ARHGAP39: variants seen among roughly 807,000 people sequenced by gnomAD.
ARHGAP39 encodes the protein rho GTPase-activating protein 39.
A neutral mutation model predicts 106.9 loss-of-function variants in ARHGAP39; 44 were observed. The observed-to-expected ratio is 0.41, with a 90% CI of 0.32 to 0.53. The LOEUF is 0.53. ARHGAP39 is among the 20% of genes least tolerant of loss of function. The pLI, the probability that ARHGAP39 is intolerant of heterozygous loss-of-function variation, is 0.21. For missense variants in ARHGAP39, 1,496 were observed against 1,577.3 expected, an observed-to-expected ratio of 0.95 and a Z score of 0.87; for synonymous variants, 768 against 693.2, an observed-to-expected ratio of 1.11 and a Z score of -1.69.
chr8:144,677,333 C>A (rs1822268620), intron 1 of ARHGAP39, among the ~76,000 whole-genome samples: 1 of 152,064 alleles, frequency 6.6e-6, no homozygotes. Flanking sequence ...TTAATTTGAC[C>A]TACTATATTA....
chr8:144,673,185 CT>C (rs1822143985), intron 1 of ARHGAP39, among the ~76,000 whole-genome samples: 1 of 150,262 alleles, frequency 6.7e-6, no homozygotes, highest in African/African-American at 2.5e-5. Context: ...CCACTGCCCC[CT>C]AGCCTGGGTG....
intron 3 of ARHGAP39, among the ~76,000 whole-genome samples, chr8:144,576,071 G>A (rs1227932180): frequency 1.3e-5 from 2 of 152,066 alleles, no homozygotes; most frequent in Admixed American, 6.6e-5. Flanking sequence ...GGTGGCTCAC[G>A]CCTGTAATCC....
the ARHGAP39 span, among the ~76,000 whole-genome samples, chr8:144,692,748 CTTTTTTTTTT>C: frequency 1.4e-5 from 1 of 69,050 alleles, no homozygotes; most frequent in East Asian, 4.4e-4. Context: ...TTGTAAAATT[CTTTTTTTTTT>C]TTTTTTTTTT....
intron 1 of ARHGAP39, among the ~76,000 whole-genome samples, chr8:144,610,885 T>G (rs1469170988): frequency 6.6e-6 from 1 of 152,054 alleles, no homozygotes; most frequent in African/African-American, 2.4e-5. Flanking sequence ...GGTGGGATCT[T>G]GGCTTGCTGC....
intron 3 of ARHGAP39, among the ~76,000 whole-genome samples, chr8:144,572,467 A>C (rs58320988): frequency 0.023 from 3,574 of 152,324 alleles, 135 homozygotes; most frequent in African/African-American, 0.082. Context: ...ACCTTATACA[A>C]AAATTAATTC....
intron 1 of ARHGAP39, among the ~76,000 whole-genome samples, chr8:144,629,939 G>C (rs893889476): frequency 1.3e-5 from 2 of 152,102 alleles, no homozygotes; most frequent in Admixed American, 6.5e-5. Flanking sequence ...ACAACGCAGG[G>C]GCAGGGGACA....
At chr8:144,613,597 A>C (rs1475685948) in intron 1 of ARHGAP39, among the ~76,000 whole-genome samples, 1 of 149,606 alleles carries the variant, frequency 6.7e-6, no homozygotes. Flanking sequence ...TTGTTCCTTC[A>C]TACACAAAAG....
upstream of ARHGAP39, among the ~76,000 whole-genome samples, chr8:144,687,954 C>G (rs1257545136): frequency 7.4e-6 from 1 of 135,546 alleles, no homozygotes; most frequent in Non-Finnish European, 1.7e-5. Flanking sequence ...CACACATTTA[C>G]AGTGAGCACT....
chr8:144,571,437 C>T (rs573365689), intron 3 of ARHGAP39, among the ~76,000 whole-genome samples: 11 of 152,266 alleles, frequency 7.2e-5, no homozygotes, highest in African/African-American at 2.4e-4. Flanking sequence ...AATTCGACAG[C>T]GCTTCATGAT....
chr8:144,602,363 G>A (rs1820039574), intron 2 of ARHGAP39, among the ~76,000 whole-genome samples: 1 of 136,474 alleles, frequency 7.3e-6, no homozygotes, highest in African/African-American at 2.7e-5. Flanking sequence ...GTGCATGGAG[G>A]TGTGTGTGCG....
At chr8:144,635,783 GCTGAACACTCACCCAGTAGGAT>G (rs1821158892) in intron 1 of ARHGAP39, among the ~76,000 whole-genome samples, 1 of 150,232 alleles carries the variant, frequency 6.7e-6, no homozygotes, top group African/African-American at 2.5e-5. Flanking sequence ...TTACAGGGTG[GCTGAACACTCACCCAGTAGGAT>G]CTGAGGCTAC....
intron 2 of ARHGAP39, among the ~76,000 whole-genome samples, chr8:144,594,083 C>T (rs1425176527): frequency 3.8e-5 from 5 of 131,354 alleles, no homozygotes; most frequent in Non-Finnish European, 7.8e-5. Flanking sequence ...AGTGAGACTC[C>T]GTCTCAAAAA....
chr8:144,680,508 A>T (rs1822381157), intron 1 of ARHGAP39, among the ~76,000 whole-genome samples: 1 of 152,176 alleles, frequency 6.6e-6, no homozygotes, highest in Non-Finnish European at 1.5e-5. Context: ...GCCTTTAATC[A>T]CAGAAGGACT....
the ARHGAP39 span, among the ~76,000 whole-genome samples, chr8:144,692,112 G>A: frequency 6.6e-6 from 1 of 152,044 alleles, no homozygotes; most frequent in Non-Finnish European, 1.5e-5. Context: ...GAAAGGGCTG[G>A]CACTGTTCTC....
chr8:144,607,779 T>C (rs1820348018), intron 1 of ARHGAP39, among the ~76,000 whole-genome samples: 1 of 152,164 alleles, frequency 6.6e-6, no homozygotes, highest in Non-Finnish European at 1.5e-5. Context: ...ACCACCTCCT[T>C]AGAGGAAACG....
intron 1 of ARHGAP39, among the ~76,000 whole-genome samples, chr8:144,667,574 G>A (rs1453548050): frequency 6.6e-6 from 1 of 152,214 alleles, no homozygotes; most frequent in East Asian, 1.9e-4. Context: ...CATCTTCTGT[G>A]TACACTAAGT....
chr8:144,627,317 A>G (rs1447844302), intron 1 of ARHGAP39, among the ~76,000 whole-genome samples: 1 of 152,166 alleles, frequency 6.6e-6, no homozygotes, highest in African/African-American at 2.4e-5. Context: ...GCATTTTGGG[A>G]GGCCGAGGCA....
chr8:144,686,366 C>T (rs1309087276), upstream of ARHGAP39, among the ~76,000 whole-genome samples: 1 of 152,124 alleles, frequency 6.6e-6, no homozygotes, highest in Non-Finnish European at 1.5e-5. Context: ...TCGACTAGTG[C>T]TCTATTCGGC....
At chr8:144,687,213 G>A (rs1322288490), upstream of ARHGAP39, among the ~76,000 whole-genome samples, 2 of 19,034 alleles carry the variant, frequency 1.1e-4, no homozygotes, top group Admixed American at 4.9e-4. Context: ...ACACACTGGC[G>A]GCGACCATTT....
Sources: allele counts gnomAD v4.1 joint callset (sites outside exome capture counted in the v4.1 genomes callset), GRCh38; gene constraint gnomAD v4.1.1; transcripts MANE v1.5; gene names NCBI Gene and HGNC (gene_info 2026-07-23, HGNC 2026-07-21).